BCAR1: variants seen among roughly 807,000 people sequenced by gnomAD.
BCAR1 encodes breast cancer anti-estrogen resistance protein 1.
In BCAR1, 30 loss-of-function variants were observed where a neutral mutation model predicts 67.6. The ratio of observed to expected loss-of-function variants is 0.44; its 90% confidence interval spans 0.33 to 0.60. The LOEUF is 0.60. Among genes scored for constraint, BCAR1 ranks in the 20% least tolerant of loss-of-function variants. BCAR1 has a pLI of 0.02. For missense variants in BCAR1, 1,313 were observed against 1,222.3 expected (o/e 1.07, Z -1.11); for synonymous variants, 626 against 556.7 (o/e 1.12, Z -1.75).
In BCAR1 at chr16:75,235,470, G is replaced by C. The variant is rs1456934131; in HGVS notation, c.1429C>G (p.Leu477Val). The C allele has an allele frequency of 1.2e-6, 2 of 1,604,246 alleles. No individual in the cohort carries two copies. Among genetic ancestry groups the C allele is most frequent in the East Asian group, 4.5e-5 (2 of 44,490 alleles). Residue 477 changes from leucine to valine, a missense_variant, in exon 5 of 7, where the codon CTT becomes GTT. Coordinates refer to ENST00000162330, the MANE Select transcript of BCAR1 (RefSeq NM_014567.5). Reference protein sequence around the residue: ...QQGVSATVAHLLDLAGSAGAT... With the variant: ...QQGVSATVAHVLDLAGSAGAT... ...CCGGCGCTGCCTGCCAGGTCCAGAA[G>C]GTGGGCAACGGTGGCGCTCACACCC...
intron 2 of BCAR1, chr16:75,237,556 T>G: frequency 1.8e-6 from 1 of 563,346 alleles, no homozygotes; most frequent in Non-Finnish European, 2.9e-6. Context: ...AACTCTGGGT[T>G]TTATTCAGAG....
intron 1 of BCAR1, among the ~76,000 whole-genome samples, chr16:75,259,087 C>T (rs1442310311): frequency 6.6e-6 from 1 of 152,198 alleles, no homozygotes; most frequent in Non-Finnish European, 1.5e-5. Context: ...GATGACTCTA[C>T]AGCCTAAGAC....
chr16:75,256,067 C>T (rs1356453396), upstream of BCAR1: 1 of 152,346 alleles, frequency 6.6e-6, no homozygotes. Flanking sequence ...CTGTCACACA[C>T]AGAACGGACA....
chr16:75,236,674 G>GC, intron 4 of BCAR1: 7 of 1,052,656 alleles, frequency 6.6e-6, no homozygotes, highest in Non-Finnish European at 8.9e-6. Context: ...AGAAGGCCTC[G>GC]CAACAGGCGG....
chr16:75,235,080 G>A lies in BCAR1; in HGVS notation c.1819C>T (p.Arg607Trp), dbSNP rs764233210. 2.5e-5 allele frequency: 40 copies of A among 1,612,674 alleles called. No individual in the cohort carries two copies. The highest frequency in any genetic ancestry group is 4.5e-5 in the East Asian group (2 of 44,888). The part of the protein sequence containing the change: ...LHGNASLLFR[R>W]TKATAPGPEG... ...GGCCCCGGGGCAGTGGCCTTGGTCCGTCTGAAGAGCAGTGAGGCATTGCCG... is the reference window on the plus strand; with the variant it reads ...GGCCCCGGGGCAGTGGCCTTGGTCCATCTGAAGAGCAGTGAGGCATTGCCG... Residue 607 changes from arginine (R) to tryptophan (W), a missense_variant, in exon 5 of 7, where the codon CGG (arginine) becomes TGG (tryptophan). Physicochemically the swap from Arg to Trp is moderately radical, Grantham distance 101 (BLOSUM62 -3). Transcript: ENST00000162330.
chr16:75,264,632 G>A, intron 1 of BCAR1: 1 of 1,264,358 alleles, frequency 7.9e-7, no homozygotes. Flanking sequence ...CTGGAGGCGA[G>A]CAGGAGCGGG....
chr16:75,236,623 T>C lies in BCAR1; in HGVS notation c.912+259A>G. The C allele has an allele frequency of 7.2e-6, 4 of 557,016 alleles. No individual in the cohort carries two copies. In the South Asian group the frequency reaches 1.3e-4, roughly 18 times the overall value. 34.5% of individuals were successfully genotyped at this position (557,016 alleles called of 1,614,324 possible). ...GAAGTATCCCAGGTGAGATGACACA[T>C]CCCGTGGTCACCTTGCGGATACCCT... On this transcript the variant is annotated intron_variant, in intron 4 of 6. Coordinates refer to ENST00000162330, the MANE Select transcript of BCAR1 (RefSeq NM_014567.5).
In BCAR1 at chr16:75,250,980, T is replaced by C. The variant is rs978185925; in HGVS notation, c.12+491A>G. The C allele has an allele frequency of 2.5e-5, 25 of 985,616 alleles. No homozygotes were observed. In the African/African-American group the frequency reaches 4.4e-4, roughly 17 times the overall value. 61.1% of individuals were successfully genotyped at this position (985,616 alleles called of 1,614,324 possible). A position where few individuals can be genotyped will look rare whatever the true frequency, so the allele number is the denominator to read the frequency against. The stretch of plus-strand genomic sequence containing the variant: ...GCCGGGTGCTCCGGCTGCGCAGCCT[T>C]CCCCGCTGGCGCCACGCACTTGCCC... On this transcript the variant is annotated intron_variant, in intron 1 of 6. Transcript: ENST00000162330.
intron 1 of BCAR1, among the ~76,000 whole-genome samples, chr16:75,243,308 G>T (rs2151437447): frequency 6.6e-6 from 1 of 152,218 alleles, no homozygotes; most frequent in Admixed American, 6.5e-5. Context: ...AACTGCACCT[G>T]TATAGCACCT....
chr16:75,243,466 T>C, intron 1 of BCAR1: 2 of 552,926 alleles, frequency 3.6e-6, no homozygotes, highest in South Asian at 1.4e-5. Flanking sequence ...TTAAAACAAA[T>C]AGCAAATGGT....
intron 1 of BCAR1, chr16:75,263,453 T>A (rs2077947038): frequency 2.0e-6 from 2 of 985,082 alleles, no homozygotes; most frequent in South Asian, 9.4e-5. Flanking sequence ...ACTGCACTGC[T>A]CTATGCCTGG....
In BCAR1 at chr16:75,235,015, C is replaced by A; in HGVS notation, c.1884G>T (p.Lys628Asn). The change falls in exon 5 of 7, where the codon AAG becomes AAT. Residue 628 changes from lysine (K) to asparagine (N), a missense_variant. By Grantham distance (94) the Lys-to-Asn change is moderately conservative. Transcript: ENST00000162330. ...GGGGTCGTGACTGGATGCTGCTGGT[C>A]TTGTCAGTGGGGTTGGGGTGCAGGG... ...GGTLHPNPTD[K>N]TSSIQSRPLP... 6.2e-7 allele frequency: 1 copy of A among 1,613,032 alleles called. No homozygotes were observed. Among genetic ancestry groups the A allele is most frequent in the Non-Finnish European group, 8.5e-7 (1 of 1,179,722 alleles).
rs768141586 is a variant in BCAR1 at position 75,237,012 on chromosome 16, A to C, written c.796-14T>G. 17 of 1,580,020 alleles carry C rather than the reference A, an allele frequency of 1.1e-5. No homozygotes were observed. Among genetic ancestry groups the C allele is most frequent in the Non-Finnish European group, 1.5e-5 (17 of 1,160,002 alleles). On this transcript the variant is annotated splice_polypyrimidine_tract_variant and intron_variant, in intron 3 of 6. Coordinates refer to ENST00000162330, the MANE Select transcript of BCAR1 (RefSeq NM_014567.5). ...TGTGTCATACACCTGGGGCAGAAAC[A>C]GTGCAGGGTTAACGGCGCCAGGGCC...
chr16:75,267,060 A>G (rs986297397), intron 1 of BCAR1, among the ~76,000 whole-genome samples: 7 of 152,200 alleles, frequency 4.6e-5, no homozygotes, highest in African/African-American at 1.4e-4. Flanking sequence ...CCCAGCTCCC[A>G]AAAGCCCCCA....
At chr16:75,230,136 G>A (rs2151386210) in intron 6 of BCAR1, 113 bp from the exon 7 acceptor site, 2 of 1,309,008 alleles carry the variant, frequency 1.5e-6, no homozygotes, top group Admixed American at 2.8e-5. Context: ...TACTCAGAGT[G>A]CATGGGACTG....
At chr16:75,238,003 CAGGTA>C in intron 2 of BCAR1, 1 of 1,280,708 alleles carries the variant, frequency 7.8e-7, no homozygotes, top group Non-Finnish European at 1.0e-6. Context: ...CTGCCTGCAG[CAGGTA>C]AGATCCCCAG....
upstream of BCAR1, chr16:75,251,738 G>A (rs933065422): frequency 1.0e-6 from 1 of 959,582 alleles, no homozygotes. Context: ...CGCCTGTCGG[G>A]GGCGCGGGCG....
At chr16:75,245,567 G>C (rs1341009250) in intron 1 of BCAR1, among the ~76,000 whole-genome samples, 2 of 152,208 alleles carry the variant, frequency 1.3e-5, no homozygotes, top group African/African-American at 4.8e-5. Flanking sequence ...TGGGGCCTCT[G>C]GCCTCACAGC....
chr16:75,233,704 G>A (rs1226088516), intron 6 of BCAR1, 142 bp downstream of exon 6: 2 of 727,952 alleles, frequency 2.7e-6, no homozygotes, highest in Admixed American at 2.9e-5. Context: ...AGGAGGCAGG[G>A]GGGTGGCAGG....
Sources: allele counts gnomAD v4.1 joint callset (sites outside exome capture counted in the v4.1 genomes callset), GRCh38; gene constraint gnomAD v4.1.1; transcripts MANE v1.5; gene names NCBI Gene and HGNC (gene_info 2026-07-23, HGNC 2026-07-21).